Variants in TNC observed in about 807,000 individuals in gnomAD.
TNC encodes the protein tenascin.
TNC carries 109 observed loss-of-function variants against 202.4 expected under a neutral mutation model. The ratio of observed to expected loss-of-function variants is 0.54; its 90% CI spans 0.46 to 0.63. The LOEUF (loss-of-function observed/expected upper bound fraction) is 0.63. TNC is among the 30% of genes least tolerant of loss of function. The pLI, the probability that TNC is intolerant of heterozygous loss-of-function variation, is 0.00. For synonymous variants in TNC, 1,007 were observed against 1,089.7 expected, an observed-to-expected ratio of 0.92 and a Z score of 1.50; for missense variants, 2,756 against 2,833.3, an observed-to-expected ratio of 0.97 and a Z score of 0.62.
chr9:115,033,713 A>G (rs1475716309), intron 22 of TNC, among the ~76,000 whole-genome samples: 1 of 152,196 alleles, frequency 6.6e-6, no homozygotes, highest in Non-Finnish European at 1.5e-5. Context: ...ACTCATCTCT[A>G]CTTGCTTCTA....
chr9:115,066,149 T>C (rs1832934387), intron 10 of TNC, among the ~76,000 whole-genome samples: 1 of 152,216 alleles, frequency 6.6e-6, no homozygotes, highest in African/African-American at 2.4e-5. Flanking sequence ...GAGAAGCAGA[T>C]CTTATGAAGC....
In TNC at chr9:115,062,847, G is replaced by A; in HGVS notation, c.4033+70C>T. On this transcript the variant is annotated intron_variant, in intron 13 of 27. Coordinates refer to ENST00000350763, the MANE Select transcript of TNC (RefSeq NM_002160.4). ...ATTGGGGTAGGATTCTGCCACACGG[G>A]TGAATTTTCTCTATTTCAATGACAT... is the stretch of plus-strand genomic sequence containing the variant. The A allele has an allele frequency of 2.0e-6, 3 of 1,533,380 alleles. No individual in the cohort carries two copies. In the South Asian group the frequency reaches 3.7e-5, roughly 19 times the overall value. 95.0% of individuals were successfully genotyped at this position (1,533,380 alleles called of 1,614,324 possible).
At chr9:115,035,993 G>T in intron 21 of TNC, 105 bp downstream of exon 21, 2 of 1,360,642 alleles carry the variant, frequency 1.5e-6, no homozygotes, top group Non-Finnish European at 2.0e-6. Flanking sequence ...ACATTGCAAG[G>T]CCCTGACTTA....
At chr9:115,077,814 CAGG>C in intron 7 of TNC, 126 bp downstream of exon 7, 1 of 929,042 alleles carries the variant, frequency 1.1e-6, no homozygotes, top group East Asian at 2.6e-5. Context: ...TTAAAATTTA[CAGG>C]AGTAGAAATA....
intron 10 of TNC, among the ~76,000 whole-genome samples, chr9:115,067,414 TAA>T (rs746530503): frequency 6.6e-6 from 1 of 152,272 alleles, no homozygotes; most frequent in Non-Finnish European, 1.5e-5. Flanking sequence ...TCGTGTGAAT[TAA>T]GTTACTGTCT....
chr9:115,109,774 G>T (rs1788847911), intron 1 of TNC, among the ~76,000 whole-genome samples: 1 of 152,180 alleles, frequency 6.6e-6, no homozygotes, highest in Non-Finnish European at 1.5e-5. Flanking sequence ...CTAGGGCTGG[G>T]ATGGTTTCCT....
In TNC at chr9:115,073,874, G is replaced by C; in HGVS notation, c.2951-8C>G. 1 of 1,605,210 alleles carries C rather than the reference G, an allele frequency of 6.2e-7. No individual in the cohort carries two copies. Among genetic ancestry groups the C allele is most frequent in the South Asian group, 1.1e-5 (1 of 90,968 alleles). ...CCTTGGGCGTGTCCAACTCTGGGAG[G>C]AGAACAGAGAGATGAATGCTCTTCA... On this transcript the variant is annotated splice_polypyrimidine_tract_variant and splice_region_variant and intron_variant, in intron 9 of 27. Transcript: ENST00000350763.
rs1588136275 is a variant in TNC at position 115,076,346 on chromosome 9, C to T, written c.2860+44G>A. 1.9e-6 allele frequency: 3 copies of T among 1,607,482 alleles called. No homozygotes were observed. The South Asian group carries it at 3.4e-5, about 18-fold the overall frequency. The stretch of plus-strand genomic sequence containing the variant: ...AGCAGGTGCCCATCCTTTAAGGGCC[C>T]TCTAGGGCTGGCTGGCTCAGGCTTG... On this transcript the variant is annotated intron_variant, in intron 8 of 27. Coordinates refer to ENST00000350763, the MANE Select transcript of TNC (RefSeq NM_002160.4).
intron 23 of TNC, 72 bp from the exon 24 acceptor site, chr9:115,030,477 C>T (rs184090880): frequency 3.4e-6 from 5 of 1,468,444 alleles, no homozygotes; most frequent in Admixed American, 2.1e-5. Context: ...CTTAGCTTAA[C>T]TCTATGGACT....
chr9:115,077,730 C>T (rs1393570636), intron 7 of TNC, among the ~76,000 whole-genome samples: 1 of 152,066 alleles, frequency 6.6e-6, no homozygotes, highest in African/African-American at 2.4e-5. Flanking sequence ...CATATGTCCC[C>T]CACCCCCAAA....
At chr9:115,022,140 T>C (rs932914599) in intron 27 of TNC, among the ~76,000 whole-genome samples, 2 of 152,236 alleles carry the variant, frequency 1.3e-5, no homozygotes, top group Non-Finnish European at 2.9e-5. Context: ...GGGAAGTTAA[T>C]GGCTAGTGAG....
chr9:115,076,756 C>A (rs1225633204), intron 7 of TNC, among the ~76,000 whole-genome samples, 181 bp from the exon 8 acceptor site: 1 of 152,136 alleles, frequency 6.6e-6, no homozygotes, highest in African/African-American at 2.4e-5. Flanking sequence ...AGATTTGGCA[C>A]CTTTCCCTAT....
chr9:115,023,720 A>G (rs1040065189), intron 27 of TNC, among the ~76,000 whole-genome samples: 2 of 152,154 alleles, frequency 1.3e-5, no homozygotes, highest in African/African-American at 4.8e-5. Context: ...TGTCTGAGTA[A>G]AGCGTTCTGT....
In TNC at chr9:115,073,829, A is replaced by G. The variant is rs1053387783; in HGVS notation, c.2988T>C (p.Thr996=). The change falls in exon 10 of 28, where the codon ACT becomes ACC. Residue 996 remains threonine (T), a synonymous_variant. Transcript: ENST00000350763. ...AGAGCAGGGTCAGGCTGGTCTCTGC[A>G]GTTTCAGAAACCTGAAGGTCCTTGG... ...DTPKDLQVSE[T]AETSLTLLWK... 8 of 1,613,254 alleles carry G rather than the reference A, an allele frequency of 5.0e-6. No individual in the cohort carries two copies. The highest frequency in any genetic ancestry group is 5.1e-6 in the Non-Finnish European group (6 of 1,180,002).
At position 115,059,871 on chromosome 9, in the gene TNC, C is replaced by A; in HGVS notation, c.4165G>T (p.Ala1389Ser). The change falls in exon 14 of 28, where the codon GCA (alanine) becomes TCA (serine). Residue 1389 changes from alanine to serine, a missense_variant. Around this residue, in one of 2 missense-constraint regions of TNC, gnomAD observed 2,559 missense variants for 2,546.0 expected, o/e 1.01. Transcript: ENST00000350763. The part of the protein sequence containing the change: ...IQVQEVNKVE[A>S]AQNLTLPGSL... ...CCAGGCAACGTGAGGTTCTGGGCTG[C>A]CTCCACTTTGTTGACCTCCTGCACC... 6.2e-7 allele frequency: 1 copy of A among 1,614,102 alleles called. No individual in the cohort carries two copies. Among genetic ancestry groups the A allele is most frequent in the Non-Finnish European group, 8.5e-7 (1 of 1,180,020 alleles).
intron 18 of TNC, among the ~76,000 whole-genome samples, chr9:115,041,566 G>C (rs549191995): frequency 7.9e-5 from 12 of 152,218 alleles, no homozygotes; most frequent in Non-Finnish European, 1.3e-4. Flanking sequence ...AATAAACACA[G>C]AAATTGTATT....
chr9:115,077,914 A>T (rs1366913661), intron 7 of TNC, 29 bp downstream of exon 7: 1 of 1,603,868 alleles, frequency 6.2e-7, no homozygotes, highest in African/African-American at 1.3e-5. Context: ...TTCCTTTACT[A>T]TATCTGTTAA....
intron 1 of TNC, among the ~76,000 whole-genome samples, chr9:115,094,853 G>C (rs1028536838): frequency 1.3e-5 from 2 of 150,966 alleles, no homozygotes; most frequent in Non-Finnish European, 2.9e-5. Flanking sequence ...GTGTGTGTGT[G>C]TGTGTGTGTG....
Position 115,090,834 on chromosome 9 carries a change from G to T in TNC, c.185C>A (p.Ser62Tyr), listed in dbSNP as rs180807853. 2 of 1,614,186 alleles carry T rather than the reference G, an allele frequency of 1.2e-6. No individual in the cohort carries two copies. The highest frequency in any genetic ancestry group is 2.2e-5 in the East Asian group (1 of 44,884). The change falls in exon 2 of 28, where the codon TCC (serine) becomes TAC (tyrosine). Residue 62 changes from serine (S) to tyrosine (Y), a missense_variant. Physicochemically the swap from Ser to Tyr is moderately radical, Grantham distance 144. Coordinates refer to ENST00000350763, the MANE Select transcript of TNC (RefSeq NM_002160.4). ...HVYNIKLPVGSQCSVDLESAS... is the reference protein window; with the variant it reads ...HVYNIKLPVGYQCSVDLESAS... ...TGACTCCAGATCCACCGAACACTGG[G>T]ATCCCACTGGCAGCTTGATGTTGTA...
Sources: gnomAD v4.1 joint callset for allele counts (sites outside exome capture counted in the v4.1 genomes callset) on GRCh38, gnomAD v4.1.1 for gene constraint, gnomAD v4.1.1 regional missense constraint, MANE v1.5 for transcripts, NCBI Gene and HGNC (gene_info 2026-07-23, HGNC 2026-07-21) for gene names.